Variants in RTL10 observed in about 807,000 individuals in gnomAD.
RTL10 encodes the protein protein Bop.
For synonymous variants in RTL10, 199 were observed against 188.4 expected, an observed-to-expected ratio of 1.06 and a Z score of -0.46; for missense variants, 477 against 470.7, an observed-to-expected ratio of 1.01 and a Z score of -0.12.
chr22:19,847,762 A>G lies in RTL10; in HGVS notation c.*3405T>C. 1.0e-6 allele frequency: 1 copy of G among 964,570 alleles called. No homozygotes were observed. Among genetic ancestry groups the G allele is most frequent in the African/African-American group, 1.9e-5 (1 of 53,442 alleles). 59.8% of individuals were successfully genotyped at this position (964,570 alleles called of 1,614,324 possible). A position where few individuals can be genotyped will look rare whatever the true frequency, so the allele number is the denominator to read the frequency against. On this transcript the variant is annotated 3_prime_UTR_variant, in exon 3 of 3. Transcript: ENST00000328554. ...AAGGTCCACTTCTCCATACCTCCACAACTCTGGGCATCTAAAACTTTTAAA... is the reference window on the plus strand; with the variant it reads ...AAGGTCCACTTCTCCATACCTCCACGACTCTGGGCATCTAAAACTTTTAAA...
chr22:19,851,765 T>C lies in RTL10; in HGVS notation c.497A>G (p.Asp166Gly). The change falls in exon 3 of 3, where the codon GAC becomes GGC. Residue 166 changes from aspartate to glycine, a missense_variant. Physicochemically the swap from Asp to Gly is moderately conservative, Grantham distance 94. Coordinates refer to ENST00000328554, the MANE Select transcript of RTL10 (RefSeq NM_024627.6). ...PYLDGDLPLP[D>G]DYELFCQDLK... is the part of the protein sequence containing the mutation. ...ATCCTGGCAGAAGAGCTCGTAATCG[T>C]CAGGCAGGGGCAGGTCCCCATCAAG... 1 of 1,611,066 alleles carries C rather than the reference T, an allele frequency of 6.2e-7. No individual in the cohort carries two copies. Among genetic ancestry groups the C allele is most frequent in the Non-Finnish European group, 8.5e-7 (1 of 1,177,894 alleles).
chr22:19,848,449 T>C lies in RTL10; in HGVS notation c.*2718A>G. On this transcript the variant is annotated 3_prime_UTR_variant, in exon 3 of 3. Transcript: ENST00000328554. ...TGGTCATCATCTGTCTGAAAGCAGGTGCTGCAGCAGCTGGCAACAAAGCCA... is the reference window on the plus strand; with the variant it reads ...TGGTCATCATCTGTCTGAAAGCAGGCGCTGCAGCAGCTGGCAACAAAGCCA... The C allele has an allele frequency of 4.1e-6, 4 of 985,456 alleles. No homozygotes were observed. Among genetic ancestry groups the C allele is most frequent in the Non-Finnish European group, 4.8e-6 (4 of 829,970 alleles). 61.0% of individuals were successfully genotyped at this position (985,456 alleles called of 1,614,324 possible).
intron 2 of RTL10, 44 bp from the exon 3 acceptor site, chr22:19,852,530 C>T (rs1018942419): frequency 1.0e-4 from 48 of 476,704 alleles, no homozygotes; most frequent in African/African-American, 6.2e-4. Context: ...TAGGCCTAAC[C>T]ATCACCCACT....
chr22:19,850,062 C>T lies in RTL10; in HGVS notation c.*1105G>A. The T allele has an allele frequency of 1.0e-6, 1 of 985,696 alleles. No homozygotes were observed. The highest frequency in any genetic ancestry group is 4.7e-5 in the South Asian group (1 of 21,298). 61.1% of individuals were successfully genotyped at this position (985,696 alleles called of 1,614,324 possible). A position where few individuals can be genotyped will look rare whatever the true frequency, so the allele number is the denominator to read the frequency against. ...GAAGTCAGTTCTCTACCTGCAGAGC[C>T]ACCCACCCCCTACTCAGCCCCACCC... On this transcript the variant is annotated 3_prime_UTR_variant, in exon 3 of 3. Coordinates refer to ENST00000328554, the MANE Select transcript of RTL10 (RefSeq NM_024627.6).
In RTL10 at chr22:19,847,223, G is replaced by A. The variant is rs148891950; in HGVS notation, c.*3944C>T. ...CACAGGTCTGACAGGCCCCAGCCACGGTGGCCCACAGGTGCAAGCAAGAAA... is the reference window on the plus strand; with the variant it reads ...CACAGGTCTGACAGGCCCCAGCCACAGTGGCCCACAGGTGCAAGCAAGAAA... On this transcript the variant is annotated 3_prime_UTR_variant, in exon 3 of 3. Coordinates refer to ENST00000328554, the MANE Select transcript of RTL10 (RefSeq NM_024627.6). The A allele has an allele frequency of 2.3e-4, 228 of 985,476 alleles. No individual in the cohort carries two copies. In the African/African-American group the frequency reaches 3.1e-3, roughly 13 times the overall value. 61.0% of individuals were successfully genotyped at this position (985,476 alleles called of 1,614,324 possible).
chr22:19,846,885 C>A lies in RTL10; in HGVS notation c.*4282G>T, dbSNP rs140274785. On this transcript the variant is annotated 3_prime_UTR_variant, in exon 3 of 3. Coordinates refer to ENST00000328554, the MANE Select transcript of RTL10 (RefSeq NM_024627.6). ...TCTGTTGTTTAAGTCCCCTAGCCTG[C>A]GGTCCTTTGTCAGGCAGCCCCAGCA... 1 of 965,922 alleles carries A rather than the reference C, an allele frequency of 1.0e-6. No homozygotes were observed. Among genetic ancestry groups the A allele is most frequent in the African/African-American group, 1.8e-5 (1 of 56,940 alleles). The allele number at this position is 965,922 out of a possible 1,614,324, so 59.8% of individuals were successfully genotyped here.
chr22:19,853,864 A>T (rs1938171400), intron 2 of RTL10, among the ~76,000 whole-genome samples: 1 of 152,094 alleles, frequency 6.6e-6, no homozygotes, highest in Admixed American at 6.5e-5. Flanking sequence ...TCCAGGGCCC[A>T]GCTCCCACCA....
At position 19,850,031 on chromosome 22, in the gene RTL10, C is replaced by T. The variant is rs1410591080; in HGVS notation, c.*1136G>A. On this transcript the variant is annotated 3_prime_UTR_variant, in exon 3 of 3. Transcript: ENST00000328554. ...TGCCTGGTCCTCACTTCACCTACAG[C>T]TCTCGGAAGTCAGTTCTCTACCTGC... 1.0e-6 allele frequency: 1 copy of T among 985,820 alleles called. No individual in the cohort carries two copies. The highest frequency in any genetic ancestry group is 1.7e-5 in the African/African-American group (1 of 57,240). 61.1% of individuals were successfully genotyped at this position (985,820 alleles called of 1,614,324 possible).
In RTL10 at chr22:19,851,902, C is replaced by T; in HGVS notation, c.360G>A (p.Gln120=). 1 of 1,614,128 alleles carries T rather than the reference C, an allele frequency of 6.2e-7. No individual in the cohort carries two copies. The highest frequency in any genetic ancestry group is 8.5e-7 in the Non-Finnish European group (1 of 1,180,034). ...SPWLLDRFLA[Q]LGDYMSFHFE... ...AGTGGAAGGACATGTAATCGCCCAG[C>T]TGGGCCAAGAAGCGGTCCAGTAGCC... Residue 120 remains glutamine (Q), a synonymous_variant, in exon 3 of 3, where the codon CAG becomes CAA. Coordinates refer to ENST00000328554, the MANE Select transcript of RTL10 (RefSeq NM_024627.6).
Position 19,847,577 on chromosome 22 carries a change from A to G in RTL10, c.*3590T>C. On this transcript the variant is annotated 3_prime_UTR_variant, in exon 3 of 3. Coordinates refer to ENST00000328554, the MANE Select transcript of RTL10 (RefSeq NM_024627.6). ...TGCGGGGAGGGGAGGAGGCAAGGCCAACCTCCAGTCCCTGCTCTAAACCCC... is the reference window on the plus strand; with the variant it reads ...TGCGGGGAGGGGAGGAGGCAAGGCCGACCTCCAGTCCCTGCTCTAAACCCC... 1 of 985,244 alleles carries G rather than the reference A, an allele frequency of 1.0e-6. No individual in the cohort carries two copies. Among genetic ancestry groups the G allele is most frequent in the Non-Finnish European group, 1.2e-6 (1 of 829,884 alleles). The allele number at this position is 985,244 out of a possible 1,614,324, so 61.0% of individuals were successfully genotyped here.
At position 19,851,280 on chromosome 22, in the gene RTL10, C is replaced by A. The variant is rs745966542; in HGVS notation, c.982G>T (p.Glu328Ter). The A allele has an allele frequency of 2.7e-5, 44 of 1,613,106 alleles. No individual in the cohort carries two copies. Among genetic ancestry groups the A allele is most frequent in the Non-Finnish European group, 4.2e-6 (5 of 1,179,548 alleles). The change falls in exon 3 of 3, where the codon GAG (glutamate) becomes TAG (stop). Residue 328 changes from glutamate (E) to a stop codon, truncating the protein, a stop_gained. Coordinates refer to ENST00000328554, the MANE Select transcript of RTL10 (RefSeq NM_024627.6). LOFTEE classifies it low-confidence loss of function (END_TRUNC). ...HPGGPKPQKT[E>*]EEVLETEGDQ... ...CCCTCTGTCTCCAAAACCTCCTCCT[C>A]TGTTTTCTGGGGTTTTGGACCTCCT...
rs1938008885 is a variant in RTL10, at chr22:19,848,103, A to G, written c.*3064T>C. ...TATTGTGGCTTTATAAAATATTCCA[A>G]TATCCCATAGGACCTTATCCTTAGT... is the stretch of plus-strand genomic sequence containing the variant. On this transcript the variant is annotated 3_prime_UTR_variant, in exon 3 of 3. Transcript: ENST00000328554. 5 of 985,158 alleles carry G rather than the reference A, an allele frequency of 5.1e-6. No individual in the cohort carries two copies. The highest frequency in any genetic ancestry group is 6.0e-6 in the Non-Finnish European group (5 of 829,732). 61.0% of individuals were successfully genotyped at this position (985,158 alleles called of 1,614,324 possible).
rs1362934716 is a variant in RTL10, at chr22:19,852,233, C to A, written c.29G>T (p.Gly10Val). 7 of 1,610,914 alleles carry A rather than the reference C, an allele frequency of 4.3e-6. No homozygotes were observed. Among genetic ancestry groups the A allele is most frequent in the Non-Finnish European group, 5.9e-6 (7 of 1,178,542 alleles). The part of the protein sequence containing the change: MPRGRCRQQ[G>V]PRIPIWAAAN... ...GGCTGCCCAGATGGGAATGCGAGGG[C>A]CCTGCTGACGGCACCGGCCACGAGG... is the stretch of plus-strand genomic sequence containing the variant. Residue 10 changes from glycine (G) to valine (V), a missense_variant, in exon 3 of 3, where the codon GGC (glycine) becomes GTC (valine). Gly to Val is a moderately radical substitution (Grantham distance 109). Transcript: ENST00000328554.
In RTL10 at chr22:19,849,871, T is replaced by C; in HGVS notation, c.*1296A>G. ...ACACACTGCACACACTGGGCGGCTG[T>C]ACCTGCCTATCCTGTGGTAAACTTG... On this transcript the variant is annotated 3_prime_UTR_variant, in exon 3 of 3. Transcript: ENST00000328554. 1 of 985,486 alleles carries C rather than the reference T, an allele frequency of 1.0e-6. No individual in the cohort carries two copies. Among genetic ancestry groups the C allele is most frequent in the Non-Finnish European group, 1.2e-6 (1 of 829,948 alleles). The allele number at this position is 985,486 out of a possible 1,614,324, so 61.0% of individuals were successfully genotyped here. A position where few individuals can be genotyped will look rare whatever the true frequency, so the allele number is the denominator to read the frequency against.
chr22:19,850,395 G>A lies in RTL10; in HGVS notation c.*772C>T. On this transcript the variant is annotated 3_prime_UTR_variant, in exon 3 of 3. Coordinates refer to ENST00000328554, the MANE Select transcript of RTL10 (RefSeq NM_024627.6). ...TGCTGAATCCGCAATGCATGCGAGTGCGGAGTGAGCAGGGGATGGCAGCAC... is the reference window on the plus strand; with the variant it reads ...TGCTGAATCCGCAATGCATGCGAGTACGGAGTGAGCAGGGGATGGCAGCAC... The A allele has an allele frequency of 2.0e-6, 2 of 989,446 alleles. No homozygotes were observed. The highest frequency in any genetic ancestry group is 5.1e-4 in the Middle Eastern group (1 of 1,942). 61.3% of individuals were successfully genotyped at this position (989,446 alleles called of 1,614,324 possible). A position where few individuals can be genotyped will look rare whatever the true frequency, so the allele number is the denominator to read the frequency against.
chr22:19,850,342 C>T lies in RTL10; in HGVS notation c.*825G>A. The T allele has an allele frequency of 1.0e-6, 1 of 985,606 alleles. No individual in the cohort carries two copies. The highest frequency in any genetic ancestry group is 1.2e-6 in the Non-Finnish European group (1 of 829,972). 61.1% of individuals were successfully genotyped at this position (985,606 alleles called of 1,614,324 possible). A position where few individuals can be genotyped will look rare whatever the true frequency, so the allele number is the denominator to read the frequency against. Reference sequence around the variant, plus strand: ...GGTCACAGTCTGCCAGGAGGGAGATCCAAGTCATTTACACACTAGGGCTTA... The same window carrying T: ...GGTCACAGTCTGCCAGGAGGGAGATTCAAGTCATTTACACACTAGGGCTTA... On this transcript the variant is annotated 3_prime_UTR_variant, in exon 3 of 3. Transcript: ENST00000328554.
Position 19,846,377 on chromosome 22 carries a change from A to G in RTL10, c.*4790T>C. ...GGGAAAGATTTCTTAAGTGAGAAAC[A>G]GCATCCCATACAGCACAACTGGGCA... On this transcript the variant is annotated 3_prime_UTR_variant, in exon 3 of 3. Transcript: ENST00000328554. The G allele has an allele frequency of 2.1e-6, 2 of 974,260 alleles. No individual in the cohort carries two copies. Among genetic ancestry groups the G allele is most frequent in the Non-Finnish European group, 2.4e-6 (2 of 819,662 alleles). 60.4% of individuals were successfully genotyped at this position (974,260 alleles called of 1,614,324 possible). A position where few individuals can be genotyped will look rare whatever the true frequency, so the allele number is the denominator to read the frequency against.
chr22:19,848,686 G>T lies in RTL10; in HGVS notation c.*2481C>A. On this transcript the variant is annotated 3_prime_UTR_variant, in exon 3 of 3. Coordinates refer to ENST00000328554, the MANE Select transcript of RTL10 (RefSeq NM_024627.6). ...AAGGACTCTCAAGCCTGCCTAGGTG[G>T]ATGCTGCATGACTGGCCCTCAGACA... is the stretch of plus-strand genomic sequence containing the variant. 1.0e-6 allele frequency: 1 copy of T among 985,434 alleles called. No individual in the cohort carries two copies. The highest frequency in any genetic ancestry group is 1.2e-6 in the Non-Finnish European group (1 of 829,944). 61.0% of individuals were successfully genotyped at this position (985,434 alleles called of 1,614,324 possible).
In RTL10 at chr22:19,848,634, T is replaced by C; in HGVS notation, c.*2533A>G. On this transcript the variant is annotated 3_prime_UTR_variant, in exon 3 of 3. Coordinates refer to ENST00000328554, the MANE Select transcript of RTL10 (RefSeq NM_024627.6). ...CACAATAAACAGGACGCGTTTTAAT[T>C]AAAAACCAGGTCACCTGGACTCTCC... The C allele has an allele frequency of 1.0e-6, 1 of 985,380 alleles. No individual in the cohort carries two copies. Among genetic ancestry groups the C allele is most frequent in the South Asian group, 4.7e-5 (1 of 21,284 alleles). 61.0% of individuals were successfully genotyped at this position (985,380 alleles called of 1,614,324 possible).
Sources: gnomAD v4.1 joint callset for allele counts (sites outside exome capture counted in the v4.1 genomes callset) on GRCh38, gnomAD v4.1.1 for gene constraint, MANE v1.5 for transcripts, NCBI Gene and HGNC (gene_info 2026-07-23, HGNC 2026-07-21) for gene names.